PTPRN2: variants seen among roughly 807,000 people sequenced by gnomAD.
The protein encoded by PTPRN2 is receptor-type tyrosine-protein phosphatase N2.
A neutral mutation model predicts 118.8 loss-of-function variants in PTPRN2; 74 were observed. That is an observed-to-expected ratio of 0.62 (90% CI 0.52 to 0.76). The LOEUF is 0.76. PTPRN2 is among the 30% of genes least tolerant of loss of function. The pLI is 0.00. For missense variants in PTPRN2, 1,481 were observed against 1,394.4 expected, an observed-to-expected ratio of 1.06 and a Z score of -0.99; for synonymous variants, 641 against 608.0, an observed-to-expected ratio of 1.05 and a Z score of -0.80.
chr7:157,794,479 C>A lies in PTPRN2; in HGVS notation c.1788+104194G>T, dbSNP rs1263464542. Among the ~76,000 whole-genome samples, 1 of 152,202 alleles carries A rather than the reference C, an allele frequency of 6.6e-6. No homozygotes were observed. Among genetic ancestry groups the A allele is most frequent in the Admixed American group, 6.5e-5 (1 of 15,278 alleles). ...GCCCCTATTCTTTGAAGCTTCACTG[C>A]TTTCGGATAAGTATGAAAATAGGCT... On this transcript the variant is annotated intron_variant, in intron 12 of 22. Transcript: ENST00000389418. This position sits in a 1 kb window ranked among gnomAD's most constrained non-coding sequence, Gnocchi z 5.2.
At chr7:157,829,104 C>T (rs1419135358) in intron 12 of PTPRN2, among the ~76,000 whole-genome samples, 5 of 152,376 alleles carry the variant, frequency 3.3e-5, no homozygotes, top group African/African-American at 9.6e-5. Context: ...GCGGGATGCT[C>T]GTGAGCCGTG....
intron 2 of PTPRN2, among the ~76,000 whole-genome samples, chr7:158,362,313 C>G (rs1809051336): frequency 6.6e-6 from 1 of 152,244 alleles, no homozygotes; most frequent in Non-Finnish European, 1.5e-5. Flanking sequence ...AGGGACAGAG[C>G]CCCTGTGCCC....
chr7:157,573,575 C>G (rs947093486), intron 19 of PTPRN2, among the ~76,000 whole-genome samples: 5 of 152,172 alleles, frequency 3.3e-5, no homozygotes, highest in African/African-American at 9.7e-5. Flanking sequence ...AACCAGATAC[C>G]CTTTAAGAAA....
intron 11 of PTPRN2, 57 bp downstream of exon 11, chr7:158,081,241 C>A (rs371503569): frequency 2.0e-6 from 3 of 1,483,132 alleles, no homozygotes; most frequent in East Asian, 2.3e-5. Context: ...TGTTTGCGTG[C>A]GTGTGTGTGT....
At chr7:158,446,617 G>A (rs1227683586) in intron 2 of PTPRN2, among the ~76,000 whole-genome samples, 1 of 152,282 alleles carries the variant, frequency 6.6e-6, no homozygotes, top group Non-Finnish European at 1.5e-5. Flanking sequence ...GACACACGGA[G>A]CAGCTTGAAA....
intron 13 of PTPRN2, among the ~76,000 whole-genome samples, chr7:157,668,132 C>A (rs1796234945): frequency 6.6e-6 from 1 of 152,248 alleles, no homozygotes; most frequent in South Asian, 2.1e-4. Flanking sequence ...TGTGCCCAGG[C>A]CGGGGCCCTG....
intron 13 of PTPRN2, among the ~76,000 whole-genome samples, chr7:157,672,759 G>C (rs998686090): frequency 2.6e-5 from 4 of 152,180 alleles, no homozygotes; most frequent in African/African-American, 9.7e-5. Flanking sequence ...CTATTAAATG[G>C]CATAAGATCA....
chr7:157,654,522 G>A (rs1470106434), intron 14 of PTPRN2, among the ~76,000 whole-genome samples: 1 of 152,134 alleles, frequency 6.6e-6, no homozygotes, highest in Admixed American at 6.5e-5. Context: ...TTCTCGTTTC[G>A]GCCCTGCAGT....
chr7:157,956,508 C>G (rs1290847086), intron 11 of PTPRN2, among the ~76,000 whole-genome samples: 1 of 152,254 alleles, frequency 6.6e-6, no homozygotes. Flanking sequence ...TCAATGTGCA[C>G]TCAACAATTG....
intron 13 of PTPRN2, among the ~76,000 whole-genome samples, chr7:157,677,053 G>A (rs1258164877): frequency 6.6e-6 from 1 of 151,974 alleles, no homozygotes; most frequent in Non-Finnish European, 1.5e-5. Context: ...TTGGCTGCTG[G>A]AGTGCAGGGT....
chr7:158,284,128 T>C (rs908643912), intron 3 of PTPRN2, among the ~76,000 whole-genome samples: 1 of 152,250 alleles, frequency 6.6e-6, no homozygotes, highest in African/African-American at 2.4e-5. Context: ...CACACTTGTT[T>C]GCCTGTGTGT....
At chr7:158,451,794 G>T (rs1818112981) in intron 2 of PTPRN2, among the ~76,000 whole-genome samples, 1 of 152,100 alleles carries the variant, frequency 6.6e-6, no homozygotes, top group African/African-American at 2.4e-5. Context: ...AAAGTTATGT[G>T]AATTTTAATT....
rs986975335 is a variant in PTPRN2, at chr7:157,587,932, T to C, written c.2496+7306A>G. On this transcript the variant is annotated intron_variant, in intron 17 of 22. Coordinates refer to ENST00000389418, the MANE Select transcript of PTPRN2 (RefSeq NM_002847.5). This position sits in a 1 kb window ranked among gnomAD's most constrained non-coding sequence, Gnocchi z 5.3. ...CGTGCCTGGGCTCCCGCGGTGGCTG[T>C]CCCCGTGCCTGGGCTCCCGCGGTGG... Among the ~76,000 whole-genome samples, 17 of 151,558 alleles carry C rather than the reference T, an allele frequency of 1.1e-4. No individual in the cohort carries two copies. The highest frequency in any genetic ancestry group is 3.9e-4 in the African/African-American group (16 of 41,212).
chr7:158,053,247 C>A lies in PTPRN2; in HGVS notation c.1723+28051G>T, dbSNP rs576838563. ...CCATCTGCAGCTGGGAACTAAAAGG[C>A]GCTTTAAAAATGACTGACACTGTAG... On this transcript the variant is annotated intron_variant, in intron 11 of 22. Coordinates refer to ENST00000389418, the MANE Select transcript of PTPRN2 (RefSeq NM_002847.5). 2.0e-4 allele frequency among the ~76,000 whole-genome samples: 31 copies of A among 152,206 alleles called. 1 individual carries two copies. The South Asian group carries it at 5.8e-3, about 28-fold the overall frequency.
At chr7:158,071,730 G>GTGGTGGTGGAGGTGCTCA (rs1563393143) in intron 11 of PTPRN2, among the ~76,000 whole-genome samples, 6 of 107,336 alleles carry the variant, frequency 5.6e-5, no homozygotes, top group Non-Finnish European at 1.1e-4. Context: ...GGAGGTGCTC[G>GTGGTGGTGGAGGTGCTCA]TGGTGGTGGA....
intron 12 of PTPRN2, among the ~76,000 whole-genome samples, chr7:157,870,284 C>T (rs1459700015): frequency 6.6e-6 from 1 of 152,164 alleles, no homozygotes; most frequent in Non-Finnish European, 1.5e-5. Context: ...AGGATATAAA[C>T]AAGGTTAATT....
At chr7:158,440,185 C>A (rs776327483) in intron 2 of PTPRN2, among the ~76,000 whole-genome samples, 2 of 152,186 alleles carry the variant, frequency 1.3e-5, no homozygotes, top group Non-Finnish European at 2.9e-5. Flanking sequence ...CTCAAAGCTG[C>A]CTTCTGGTAG....
intron 12 of PTPRN2, among the ~76,000 whole-genome samples, chr7:157,756,772 A>C (rs1468540410): frequency 1.3e-5 from 2 of 151,416 alleles, no homozygotes; most frequent in African/African-American, 4.9e-5. Context: ...TTTATGGGTG[A>C]CTATGTCAGG....
chr7:158,440,530 GTAA>G (rs903707894), intron 2 of PTPRN2, among the ~76,000 whole-genome samples: 8 of 151,548 alleles, frequency 5.3e-5, no homozygotes, highest in Non-Finnish European at 1.0e-4. Context: ...TGGTGATGTG[GTAA>G]TGATGGTGGT....
Sources: allele counts gnomAD v4.1 joint callset (sites outside exome capture counted in the v4.1 genomes callset), GRCh38; gene constraint gnomAD v4.1.1; non-coding constraint Gnocchi (gnomAD v3.1); transcripts MANE v1.5; gene names NCBI Gene and HGNC (gene_info 2026-07-23, HGNC 2026-07-21).